Variants in CRHR1 observed in about 807,000 individuals in gnomAD.
CRHR1 encodes the protein corticotropin releasing hormone receptor 1.
CRHR1 carries 28 observed loss-of-function variants against 56.0 expected under a neutral mutation model. That is an observed-to-expected ratio of 0.50 (90% confidence interval 0.37 to 0.69). The LOEUF is 0.69. Ranked by LOEUF, CRHR1 falls within the 30% of genes least tolerant of loss-of-function variation. The pLI is 0.00. For missense variants in CRHR1, 376 were observed against 548.0 expected, an observed-to-expected ratio of 0.69 and a Z score of 3.13; for synonymous variants, 195 against 216.5, an observed-to-expected ratio of 0.90 and a Z score of 0.87.
intron 1 of CRHR1, among the ~76,000 whole-genome samples, chr17:45,800,080 G>C (rs992235199): frequency 3.3e-5 from 5 of 152,314 alleles, no homozygotes; most frequent in Non-Finnish European, 5.9e-5. Flanking sequence ...TGGTCCCCCT[G>C]CCCTCAGTCT....
chr17:45,784,675 TG>T lies in CRHR1; in HGVS notation c.33+101del. 1 of 1,278,512 alleles carries T rather than the reference TG, an allele frequency of 7.8e-7. No homozygotes were observed. The highest frequency in any genetic ancestry group is 1.0e-6 in the Non-Finnish European group (1 of 963,036). 79.2% of individuals were successfully genotyped at this position (1,278,512 alleles called of 1,614,324 possible). ...GTGGGTGTGATGGGGGCGGGGGCGCTGGGAGAGCCGTGCTTAGGTCGGGGAA... is the reference window on the plus strand; with the variant it reads ...GTGGGTGTGATGGGGGCGGGGGCGCTGGAGAGCCGTGCTTAGGTCGGGGAA... On this transcript the variant is annotated intron_variant, in intron 1 of 12. Transcript: ENST00000314537. The surrounding 1 kb of genome is among the most constrained non-coding windows in gnomAD (Gnocchi z 4.2).
Position 45,830,413 on chromosome 17 carries a change from G to A in CRHR1, c.556-4G>A. The A allele has an allele frequency of 6.2e-7, 1 of 1,601,484 alleles. No homozygotes were observed. The highest frequency in any genetic ancestry group is 8.5e-7 in the Non-Finnish European group (1 of 1,172,984). On this transcript the variant is annotated splice_region_variant and splice_polypyrimidine_tract_variant and intron_variant, in intron 6 of 12. Transcript: ENST00000314537. Reference sequence around the variant, plus strand: ...ATCATCTCTGGTTGGGGGTGGGGTGGCAGGGCTGGTGCAGGTTGGTGACAG... The same window carrying A: ...ATCATCTCTGGTTGGGGGTGGGGTGACAGGGCTGGTGCAGGTTGGTGACAG...
intron 1 of CRHR1, among the ~76,000 whole-genome samples, chr17:45,794,978 T>C (rs907686472): frequency 2.0e-5 from 3 of 152,230 alleles, no homozygotes; most frequent in Admixed American, 1.3e-4. Flanking sequence ...CTTTCTGGGC[T>C]GCCTCATTCC....
At chr17:45,830,057 C>A in intron 5 of CRHR1, 37 bp from the exon 6 acceptor site, 2 of 1,613,176 alleles carry the variant, frequency 1.2e-6, no homozygotes, top group Non-Finnish European at 8.5e-7. Flanking sequence ...CCTCTCTCTC[C>A]TATCGCTCCC....
intron 2 of CRHR1, among the ~76,000 whole-genome samples, chr17:45,815,125 C>T (rs147942266): frequency 7.2e-5 from 11 of 152,360 alleles, no homozygotes; most frequent in East Asian, 1.9e-4. Context: ...GCTAAGGCCT[C>T]GGCCCAGGCC....
intron 1 of CRHR1, among the ~76,000 whole-genome samples, chr17:45,805,317 A>G (rs1327158936): frequency 6.6e-6 from 1 of 152,026 alleles, no homozygotes; most frequent in East Asian, 1.9e-4. Flanking sequence ...TGCTCCCTTC[A>G]CTTTTGCACT....
intron 4 of CRHR1, chr17:45,825,927 G>A (rs1405954040): frequency 6.6e-6 from 1 of 152,392 alleles, no homozygotes; most frequent in Non-Finnish European, 1.5e-5. Flanking sequence ...TGCAGCGCCT[G>A]GGACGAGGTG....
At chr17:45,833,693 T>TGGGGGCCCCCCCCC in intron 10 of CRHR1, 21 bp from the exon 11 acceptor site, 10 of 1,571,556 alleles carry the variant, frequency 6.4e-6, no homozygotes, top group Non-Finnish European at 7.0e-6. Flanking sequence ...ACTCCGAGCC[T>TGGGGGCCCCCCCCC]CCCCACCCGC....
At chr17:45,828,121 TTGAC>T (rs1450997180) in intron 4 of CRHR1, among the ~76,000 whole-genome samples, 1 of 152,234 alleles carries the variant, frequency 6.6e-6, no homozygotes, top group Non-Finnish European at 1.5e-5. Context: ...GCTTTGGAGT[TTGAC>T]TGCGTGTCAA....
chr17:45,798,829 T>C (rs536184068), intron 1 of CRHR1, among the ~76,000 whole-genome samples: 2 of 152,350 alleles, frequency 1.3e-5, no homozygotes, highest in South Asian at 4.1e-4. Flanking sequence ...CTCCCTTAAC[T>C]GTAGGCAGGA....
Position 45,830,425 on chromosome 17 carries a change from C to G in CRHR1, c.564C>G (p.Cys188Trp). ...TGGGGGTGGGGTGGCAGGGCTGGTGCAGGTTGGTGACAGCCGCCTACAACT... is the reference window on the plus strand; with the variant it reads ...TGGGGGTGGGGTGGCAGGGCTGGTGGAGGTTGGTGACAGCCGCCTACAACT... ...PEVHQSNVGWCRLVTAAYNYF... is the reference protein window; with the variant it reads ...PEVHQSNVGWWRLVTAAYNYF... The change falls in exon 7 of 13, where the codon TGC becomes TGG. Residue 188 changes from cysteine (C) to tryptophan (W), a missense_variant. Around this residue, in one of 2 missense-constraint regions of CRHR1, gnomAD observed 369 missense variants for 519.5 expected, o/e 0.71. Coordinates refer to ENST00000314537, the MANE Select transcript of CRHR1 (RefSeq NM_004382.5). 1 of 1,608,458 alleles carries G rather than the reference C, an allele frequency of 6.2e-7. No individual in the cohort carries two copies. The highest frequency in any genetic ancestry group is 8.5e-7 in the Non-Finnish European group (1 of 1,177,108).
chr17:45,810,007 C>T (rs1598419061), intron 2 of CRHR1, among the ~76,000 whole-genome samples: 2 of 152,202 alleles, frequency 1.3e-5, no homozygotes, highest in Non-Finnish European at 1.5e-5. Context: ...AGGCCAGGCA[C>T]GGTGGCTCAC....
Position 45,784,477 on chromosome 17 carries a change from G to T in CRHR1, c.-68G>T, listed in dbSNP as rs999025227. The T allele has an allele frequency of 5.5e-6, 8 of 1,443,942 alleles. No individual in the cohort carries two copies. Among genetic ancestry groups the T allele is most frequent in the East Asian group, 3.0e-5 (1 of 32,978 alleles). 89.4% of individuals were successfully genotyped at this position (1,443,942 alleles called of 1,614,324 possible). The stretch of plus-strand genomic sequence containing the variant: ...CCCCGTGCCGCCCGAGCCCGCAGCC[G>T]CCCGCCGGTCCCTCTGGGATGTCCG... On this transcript the variant is annotated 5_prime_UTR_variant, in exon 1 of 13. Transcript: ENST00000314537. This position sits in a 1 kb window ranked among gnomAD's most constrained non-coding sequence, Gnocchi z 4.2.
chr17:45,792,747 G>C (rs2061449121), intron 1 of CRHR1, among the ~76,000 whole-genome samples: 1 of 152,080 alleles, frequency 6.6e-6, no homozygotes, highest in African/African-American at 2.4e-5. Flanking sequence ...CGTGGATCCT[G>C]GGCTGTCCCA....
intron 1 of CRHR1, among the ~76,000 whole-genome samples, chr17:45,792,309 A>G (rs1453724390): frequency 6.6e-6 from 1 of 151,824 alleles, no homozygotes; most frequent in East Asian, 1.9e-4. Flanking sequence ...TCCCTTGCCT[A>G]CGCCTCCCAG....
In CRHR1 at chr17:45,784,639, G is replaced by T. The variant is rs990912763; in HGVS notation, c.33+62G>T. 6.7e-7 allele frequency: 1 copy of T among 1,493,438 alleles called. No individual in the cohort carries two copies. The highest frequency in any genetic ancestry group is 9.0e-7 in the Non-Finnish European group (1 of 1,116,288). The allele number at this position is 1,493,438 out of a possible 1,614,324, so 92.5% of individuals were successfully genotyped here. A position where few individuals can be genotyped will look rare whatever the true frequency, so the allele number is the denominator to read the frequency against. ...CCCCGGCCCCTGGCGGACGCGGGACGGGGCTGGGCTGTGGGTGTGATGGGG... is the reference window on the plus strand; with the variant it reads ...CCCCGGCCCCTGGCGGACGCGGGACTGGGCTGGGCTGTGGGTGTGATGGGG... On this transcript the variant is annotated intron_variant, in intron 1 of 12. Transcript: ENST00000314537. This position sits in a 1 kb window ranked among gnomAD's most constrained non-coding sequence, Gnocchi z 4.2.
chr17:45,834,654 C>T lies in CRHR1; in HGVS notation c.1138C>T (p.Arg380Trp), dbSNP rs370869522. 52 of 1,612,994 alleles carry T rather than the reference C, an allele frequency of 3.2e-5. No homozygotes were observed. Among genetic ancestry groups the T allele is most frequent in the Admixed American group, 1.2e-4 (7 of 59,974 alleles). Residue 380 changes from arginine to tryptophan, a missense_variant, in exon 13 of 13, where the codon CGG becomes TGG. By Grantham distance (101) the Arg-to-Trp change is moderately radical. This residue lies in a region of CRHR1 where 369 missense variants were observed against 519.5 expected (regional missense o/e 0.71). Transcript: ENST00000314537. ...VRSAIRKRWHRWQDKHSIRAR... is the reference protein window; with the variant it reads ...VRSAIRKRWHWWQDKHSIRAR... ...TTCTGCCATCCGGAAGAGGTGGCACCGGTGGCAGGACAAGCACTCGATCCG... is the reference window on the plus strand; with the variant it reads ...TTCTGCCATCCGGAAGAGGTGGCACTGGTGGCAGGACAAGCACTCGATCCG...
chr17:45,807,914 C>T (rs1328752715), intron 2 of CRHR1, among the ~76,000 whole-genome samples: 1 of 152,112 alleles, frequency 6.6e-6, no homozygotes, highest in Non-Finnish European at 1.5e-5. Context: ...GTGACTGGGA[C>T]CCAAATCTAG....
intron 1 of CRHR1, among the ~76,000 whole-genome samples, chr17:45,786,317 A>T (rs1337445920): frequency 7.2e-5 from 11 of 152,146 alleles, no homozygotes; most frequent in Admixed American, 3.3e-4. Flanking sequence ...GTAGGCATTC[A>T]ATAAATTCCA....
Sources: allele counts gnomAD v4.1 joint callset (sites outside exome capture counted in the v4.1 genomes callset), GRCh38; gene constraint gnomAD v4.1.1; regional missense constraint gnomAD v4.1.1; non-coding constraint Gnocchi (gnomAD v3.1); transcripts MANE v1.5; gene names NCBI Gene and HGNC (gene_info 2026-07-23, HGNC 2026-07-21).